Variants in PXDN observed in about 807,000 individuals in gnomAD.
PXDN encodes peroxidasin, also known as peroxidasin homolog.
In PXDN, 77 loss-of-function variants were observed where a neutral mutation model predicts 140.3. The ratio of observed to expected loss-of-function variants is 0.55; its 90% CI spans 0.46 to 0.66. The LOEUF (loss-of-function observed/expected upper bound fraction) is 0.66. Among genes scored for constraint, PXDN ranks in the 30% least tolerant of loss-of-function variants. The probability of loss-of-function intolerance (pLI) is 0.00; values close to 1 mark genes in which losing one functional copy is unlikely to be tolerated. For synonymous variants in PXDN, 911 were observed against 857.4 expected (o/e 1.06, Z -1.09); for missense variants, 1,838 against 2,039.5 (o/e 0.90, Z 1.90).
rs546834709 is a variant in PXDN at position 1,694,162 on chromosome 2, C to T, written c.201-1028G>A. ...TAATATCGTCCAGTAGGGATCGGTA[C>T]GGGTTGAACTGTGTCTCCCCGAAAT... is the stretch of plus-strand genomic sequence containing the variant. On this transcript the variant is annotated intron_variant, in intron 1 of 22. Transcript: ENST00000252804. Among the ~76,000 whole-genome samples the T allele has an allele frequency of 5.3e-5, 8 of 152,270 alleles. No individual in the cohort carries two copies. In the East Asian group the frequency reaches 9.7e-4, roughly 18 times the overall value.
intron 12 of PXDN, among the ~76,000 whole-genome samples, chr2:1,663,099 T>A (rs935184538): frequency 1.3e-5 from 2 of 152,128 alleles, no homozygotes; most frequent in Non-Finnish European, 2.9e-5. Flanking sequence ...ATTCTTCTCA[T>A]TGGAGAGAAC....
intron 1 of PXDN, among the ~76,000 whole-genome samples, chr2:1,710,936 TCTATGAACACCCG>T: frequency 2.4e-5 from 3 of 125,500 alleles, no homozygotes; most frequent in Non-Finnish European, 4.9e-5. Context: ...CAGCACCCAC[TCTATGAACACCCG>T]CTCCACCAGT....
intron 1 of PXDN, among the ~76,000 whole-genome samples, chr2:1,715,811 A>C (rs570324092): frequency 6.6e-6 from 1 of 152,334 alleles, no homozygotes; most frequent in South Asian, 2.1e-4. Flanking sequence ...AATATCTTCC[A>C]TACTCAGGGT....
chr2:1,657,893 C>G (rs1221018121), intron 14 of PXDN, among the ~76,000 whole-genome samples: 1 of 150,426 alleles, frequency 6.6e-6, no homozygotes, highest in African/African-American at 2.5e-5. Flanking sequence ...GAAACCTGCC[C>G]CTCCTGACTG....
intron 18 of PXDN, among the ~76,000 whole-genome samples, 175 bp downstream of exon 18, chr2:1,644,443 G>A (rs537394491): frequency 2.0e-5 from 3 of 152,294 alleles, no homozygotes; most frequent in East Asian, 1.9e-4. Flanking sequence ...GTAAGCCCAA[G>A]GCGGTGCACA....
rs1005251568 is a variant in PXDN at position 1,744,352 on chromosome 2, C to T, written c.104G>A (p.Gly35Glu). 6.5e-7 allele frequency: 1 copy of T among 1,527,546 alleles called. No individual in the cohort carries two copies. The highest frequency in any genetic ancestry group is 1.2e-5 in the South Asian group (1 of 83,202). 94.6% of individuals were successfully genotyped at this position (1,527,546 alleles called of 1,614,324 possible). Reference sequence around the variant, plus strand: ...GAAGCACAGGCAGCGGCTCGGACACCCTGCGCCCGGCTTCTGGGCCACCAC... The same window carrying T: ...GAAGCACAGGCAGCGGCTCGGACACTCTGCGCCCGGCTTCTGGGCCACCAC... ...LAVVAQKPGA[G>E]CPSRCLCFRT... The change falls in exon 1 of 23, where the codon GGG (glycine) becomes GAG (glutamate). Residue 35 changes from glycine (G) to glutamate (E), a missense_variant. This residue lies in a region of PXDN where 231 missense variants were observed against 201.5 expected (regional missense o/e 1.15). Transcript: ENST00000252804.
intron 14 of PXDN, among the ~76,000 whole-genome samples, chr2:1,657,180 C>A (rs901788800): frequency 6.7e-6 from 1 of 150,088 alleles, no homozygotes; most frequent in African/African-American, 2.5e-5. Context: ...TGGGGGGGAA[C>A]CTGCCACCTC....
chr2:1,657,245 G>A (rs1683163927), intron 14 of PXDN, among the ~76,000 whole-genome samples: 1 of 146,014 alleles, frequency 6.8e-6, no homozygotes, highest in Non-Finnish European at 1.5e-5. Context: ...ACTGGAACCT[G>A]TCACCTTCAG....
chr2:1,637,142 C>G (rs1572111509), intron 21 of PXDN: 1 of 152,466 alleles, frequency 6.6e-6, no homozygotes, highest in African/African-American at 2.4e-5. Context: ...CCCTCTGCCT[C>G]TGCTATGCTG....
At position 1,744,424 on chromosome 2, in the gene PXDN, C is replaced by A. The variant is rs1283491534; in HGVS notation, c.32G>T (p.Arg11Leu). 1 of 1,506,512 alleles carries A rather than the reference C, an allele frequency of 6.6e-7. No homozygotes were observed. Among genetic ancestry groups the A allele is most frequent in the Non-Finnish European group, 8.8e-7 (1 of 1,134,840 alleles). 93.3% of individuals were successfully genotyped at this position (1,506,512 alleles called of 1,614,324 possible). A position where few individuals can be genotyped will look rare whatever the true frequency, so the allele number is the denominator to read the frequency against. The change falls in exon 1 of 23, where the codon CGC becomes CTC. Residue 11 changes from arginine to leucine, a missense_variant. Transcript: ENST00000252804. Reference protein sequence around the residue: MAKRSRGPGRRCLLALVLFCA... With the variant: MAKRSRGPGRLCLLALVLFCA... ...GAACAGCACGAGCGCCAACAGGCAG[C>A]GGCGCCCGGGGCCCCTGGAGCGCTT...
At chr2:1,692,710 C>A in intron 2 of PXDN, 1 of 438,206 alleles carries the variant, frequency 2.3e-6, no homozygotes, top group Non-Finnish European at 4.6e-6. Flanking sequence ...CACTGTCCTG[C>A]TCAATCTTGC....
chr2:1,705,162 C>T (rs1306897324), intron 1 of PXDN, among the ~76,000 whole-genome samples: 1 of 152,014 alleles, frequency 6.6e-6, no homozygotes, highest in Non-Finnish European at 1.5e-5. Context: ...TGGGCCTCCC[C>T]GGAGCCGTGA....
intron 1 of PXDN, among the ~76,000 whole-genome samples, chr2:1,732,326 A>G (rs2125491145): frequency 6.6e-6 from 1 of 152,294 alleles, no homozygotes; most frequent in African/African-American, 2.4e-5. Context: ...GGGCCTGCAG[A>G]GCGTCCAGCA....
At position 1,702,993 on chromosome 2, in the gene PXDN, G is replaced by T. The variant is rs562192000; in HGVS notation, c.201-9859C>A. On this transcript the variant is annotated intron_variant, in intron 1 of 22. Coordinates refer to ENST00000252804, the MANE Select transcript of PXDN (RefSeq NM_012293.3). ...GGCGGGACAACTCCAGGTGAAGGGG[G>T]GGACAACTCCAGGTGAAGGGGGGAC... 1.1e-3 allele frequency among the ~76,000 whole-genome samples: 150 copies of T among 138,004 alleles called. 4 individuals carry two copies. Among genetic ancestry groups the T allele is most frequent in the Non-Finnish European group, 1.7e-3 (110 of 64,820 alleles). The allele number at this position is 138,004 out of a possible 152,430, so 90.5% of individuals were successfully genotyped here. A position where few individuals can be genotyped will look rare whatever the true frequency, so the allele number is the denominator to read the frequency against.
At chr2:1,698,832 A>G (rs1435839412) in intron 1 of PXDN, among the ~76,000 whole-genome samples, 2 of 152,232 alleles carry the variant, frequency 1.3e-5, no homozygotes, top group African/African-American at 2.4e-5. Flanking sequence ...GAAGACTGCA[A>G]TAACTATTAA....
In PXDN at chr2:1,662,082, G is replaced by A. The variant is rs1558496779; in HGVS notation, c.1670C>T (p.Thr557Ile). Residue 557 changes from threonine to isoleucine, a missense_variant, in exon 13 of 23, where the codon ACC (threonine) becomes ATC (isoleucine). By Grantham distance (89) the Thr-to-Ile change is moderately conservative. Around this residue, in one of 5 missense-constraint regions of PXDN, gnomAD observed 537 missense variants for 583.9 expected, o/e 0.92. Transcript: ENST00000252804. ...CACCAGACCGCCTACCTTGTTCCAG[G>A]TGATGGCTGGCTCGGGCTCGCCCTG... Reference protein sequence around the residue: ...SSQGEPEPAITWNKDGVQVTE... With the variant: ...SSQGEPEPAIIWNKDGVQVTE... The A allele has an allele frequency of 6.3e-7, 1 of 1,593,602 alleles. No homozygotes were observed. Among genetic ancestry groups the A allele is most frequent in the Non-Finnish European group, 8.5e-7 (1 of 1,170,354 alleles).
At chr2:1,744,140 C>T (rs1572211708) in intron 1 of PXDN, 116 bp downstream of exon 1, 1 of 1,106,048 alleles carries the variant, frequency 9.0e-7, no homozygotes, top group East Asian at 3.6e-5. Flanking sequence ...CCCAGGCCCC[C>T]CGCGCGCCCG....
Position 1,684,231 on chromosome 2 carries a change from A to T in PXDN, c.417-80T>A, listed in dbSNP as rs548354819. The stretch of plus-strand genomic sequence containing the variant: ...AGATTTTTGCCCAAATTTTTTTCCT[A>T]GTCATTTCAAATTCAGATATCAATA... On this transcript the variant is annotated intron_variant, in intron 4 of 22. Transcript: ENST00000252804. 2.5e-6 allele frequency: 3 copies of T among 1,212,646 alleles called. No homozygotes were observed. In the African/African-American group the frequency reaches 4.6e-5, roughly 18 times the overall value. 75.1% of individuals were successfully genotyped at this position (1,212,646 alleles called of 1,614,324 possible). A position where few individuals can be genotyped will look rare whatever the true frequency, so the allele number is the denominator to read the frequency against.
rs531397929 is a variant in PXDN, at chr2:1,743,985, G to A, written c.200+271C>T. Among the ~76,000 whole-genome samples the A allele has an allele frequency of 2.2e-3, 338 of 152,208 alleles. 1 individual carries two copies. Among genetic ancestry groups the A allele is most frequent in the South Asian group, 9.1e-3 (44 of 4,826 alleles). On this transcript the variant is annotated intron_variant, in intron 1 of 22. Transcript: ENST00000252804. ...CAGTCCTGCGGGGATTCCGAGTTCC[G>A]AACAAAGGCGGCTACGAAGGCCGCG...
Sources: allele counts gnomAD v4.1 joint callset (sites outside exome capture counted in the v4.1 genomes callset), GRCh38; gene constraint gnomAD v4.1.1; regional missense constraint gnomAD v4.1.1; transcripts MANE v1.5; gene names NCBI Gene and HGNC (gene_info 2026-07-23, HGNC 2026-07-21).